Variants in TTC27 observed in about 807,000 individuals in gnomAD.
TTC27 encodes the protein tetratricopeptide repeat protein 27.
A neutral mutation model predicts 115.9 loss-of-function variants in TTC27; 79 were observed. The observed-to-expected ratio is 0.68, with a 90% confidence interval of 0.57 to 0.82. The LOEUF (loss-of-function observed/expected upper bound fraction) is 0.82. TTC27 is among the 40% of genes least tolerant of loss of function. The pLI, the probability that TTC27 is intolerant of heterozygous loss-of-function variation, is 0.00. For missense variants in TTC27, 1,054 were observed against 993.1 expected (o/e 1.06, Z -0.82); for synonymous variants, 401 against 356.0 (o/e 1.13, Z -1.42).
At chr2:32,677,342 G>A (rs1271233240) in intron 8 of TTC27, among the ~76,000 whole-genome samples, 1 of 151,642 alleles carries the variant, frequency 6.6e-6, no homozygotes, top group Non-Finnish European at 1.5e-5. Context: ...GGATATTTAT[G>A]TATCTCATTC....
At chr2:32,651,439 C>T (rs937294869) in intron 5 of TTC27, among the ~76,000 whole-genome samples, 4 of 152,236 alleles carry the variant, frequency 2.6e-5, no homozygotes, top group Non-Finnish European at 2.9e-5. Context: ...CTCCGCCTCC[C>T]GGGTTCAAAC....
At chr2:32,748,689 CT>C (rs36003831) in intron 12 of TTC27, among the ~76,000 whole-genome samples, 6,969 of 133,216 alleles carry the variant, frequency 0.052, 143 homozygotes, top group East Asian at 0.096. Context: ...TCTAACAATT[CT>C]TTTTTTTTTT....
At chr2:32,738,247 T>G (rs1668511031) in intron 12 of TTC27, among the ~76,000 whole-genome samples, 1 of 152,176 alleles carries the variant, frequency 6.6e-6, no homozygotes, top group African/African-American at 2.4e-5. Context: ...TCATGCTAGC[T>G]TTGTGATGTT....
chr2:32,760,970 A>C (rs1669416592), intron 13 of TTC27, among the ~76,000 whole-genome samples: 1 of 152,018 alleles, frequency 6.6e-6, no homozygotes, highest in Admixed American at 6.5e-5. Flanking sequence ...TACTTCCTTG[A>C]TTTCATCTAG....
intron 7 of TTC27, among the ~76,000 whole-genome samples, chr2:32,667,353 G>A (rs543069746): frequency 6.6e-6 from 1 of 150,544 alleles, no homozygotes; most frequent in Non-Finnish European, 1.5e-5. Context: ...CACTCCAGCT[G>A]CTTCCATGAA....
intron 13 of TTC27, among the ~76,000 whole-genome samples, chr2:32,769,162 G>T (rs1669740989): frequency 6.6e-6 from 1 of 152,232 alleles, no homozygotes; most frequent in African/African-American, 2.4e-5. Context: ...ATCTCCTGAA[G>T]TTGGAAGAAG....
chr2:32,748,627 G>A (rs1388134077), intron 12 of TTC27, among the ~76,000 whole-genome samples: 1 of 149,952 alleles, frequency 6.7e-6, no homozygotes, highest in Non-Finnish European at 1.5e-5. Flanking sequence ...ATTTGTGATT[G>A]TTATATCTTT....
chr2:32,734,120 T>A (rs928943174), intron 11 of TTC27, among the ~76,000 whole-genome samples, 197 bp downstream of exon 11: 29 of 152,340 alleles, frequency 1.9e-4, no homozygotes, highest in Middle Eastern at 3.4e-3. Flanking sequence ...AAAACATTTT[T>A]AAAATAATTT....
intron 12 of TTC27, among the ~76,000 whole-genome samples, chr2:32,756,202 T>C (rs1485950586): frequency 1.3e-5 from 2 of 152,250 alleles, no homozygotes; most frequent in African/African-American, 4.8e-5. Context: ...ATTAGGTGAA[T>C]TGGCCTCCAG....
chr2:32,662,246 C>T (rs1665575866), intron 5 of TTC27, among the ~76,000 whole-genome samples: 1 of 152,146 alleles, frequency 6.6e-6, no homozygotes, highest in African/African-American at 2.4e-5. Flanking sequence ...TGTTGTGTCT[C>T]TGCCAGGTTT....
intron 8 of TTC27, among the ~76,000 whole-genome samples, chr2:32,678,159 C>G (rs1666282570): frequency 6.7e-6 from 1 of 150,358 alleles, no homozygotes; most frequent in South Asian, 2.1e-4. Flanking sequence ...GGAGGCTGAG[C>G]TGGGAGGATC....
At chr2:32,634,203 C>T (rs561613658) in intron 3 of TTC27, among the ~76,000 whole-genome samples, 198 bp downstream of exon 3, 1 of 152,296 alleles carries the variant, frequency 6.6e-6, no homozygotes, top group South Asian at 2.1e-4. Flanking sequence ...TTCATACACA[C>T]TCCATTTTAT....
chr2:32,815,491 C>A (rs1671473244), intron 18 of TTC27, among the ~76,000 whole-genome samples: 2 of 152,144 alleles, frequency 1.3e-5, no homozygotes, highest in South Asian at 4.2e-4. Flanking sequence ...CCCGCCTCAG[C>A]CTCCCAAAGT....
chr2:32,726,718 C>T (rs1166938117), intron 10 of TTC27, among the ~76,000 whole-genome samples: 2 of 152,188 alleles, frequency 1.3e-5, no homozygotes, highest in African/African-American at 4.8e-5. Context: ...ATCTTTCCAG[C>T]AGCAACCTAC....
chr2:32,790,112 T>G (rs1196410114), intron 16 of TTC27, among the ~76,000 whole-genome samples: 1 of 151,942 alleles, frequency 6.6e-6, no homozygotes, highest in Non-Finnish European at 1.5e-5. Context: ...TTAAGTAGAT[T>G]TTTTCAAACA....
chr2:32,758,541 T>G, intron 13 of TTC27, 22 bp downstream of exon 13: 1 of 1,604,128 alleles, frequency 6.2e-7, no homozygotes, highest in Non-Finnish European at 8.5e-7. Context: ...CATAACCCCC[T>G]GCTGCTCTCA....
chr2:32,672,680 GA>G (rs1278135510), intron 8 of TTC27, among the ~76,000 whole-genome samples: 1 of 152,192 alleles, frequency 6.6e-6, no homozygotes, highest in Non-Finnish European at 1.5e-5. Flanking sequence ...TGACTATTTT[GA>G]GATTTGAGGA....
intron 7 of TTC27, 83 bp downstream of exon 7, chr2:32,666,851 T>A (rs1665796339): frequency 6.7e-7 from 1 of 1,486,924 alleles, no homozygotes; most frequent in East Asian, 2.3e-5. Context: ...AAACACTGAA[T>A]GGGTTGGGGA....
At chr2:32,747,372 A>G (rs1668866388) in intron 12 of TTC27, among the ~76,000 whole-genome samples, 1 of 152,218 alleles carries the variant, frequency 6.6e-6, no homozygotes, top group African/African-American at 2.4e-5. Flanking sequence ...TAACTTACTG[A>G]ACATCATAGT....
Sources: gnomAD v4.1 joint callset for allele counts (sites outside exome capture counted in the v4.1 genomes callset) on GRCh38, gnomAD v4.1.1 for gene constraint, MANE v1.5 for transcripts, NCBI Gene and HGNC (gene_info 2026-07-23, HGNC 2026-07-21) for gene names.